Variants in KATNIP observed in about 807,000 individuals in gnomAD.
KATNIP encodes katanin interacting protein.
Under a neutral mutation model 174.0 loss-of-function variants are expected in KATNIP, and 126 were observed. The ratio of observed to expected loss-of-function variants is 0.72; its 90% CI spans 0.63 to 0.84. The LOEUF (loss-of-function observed/expected upper bound fraction) is 0.84, where lower values mean the gene tolerates loss of function less well. KATNIP is among the 40% of genes least tolerant of loss of function. The pLI is 0.00. For missense variants in KATNIP, 1,958 were observed against 2,109.7 expected (o/e 0.93, Z 1.41); for synonymous variants, 810 against 835.7 (o/e 0.97, Z 0.53).
intron 2 of KATNIP, among the ~76,000 whole-genome samples, chr16:27,616,973 G>A (rs1331053436): frequency 7.7e-6 from 1 of 129,888 alleles, no homozygotes; most frequent in Non-Finnish European, 1.6e-5. Context: ...ATGTATCTTT[G>A]TATATTATAA....
chr16:27,688,608 A>C (rs1219473557), intron 8 of KATNIP, among the ~76,000 whole-genome samples: 2 of 152,234 alleles, frequency 1.3e-5, no homozygotes, highest in African/African-American at 4.8e-5. Flanking sequence ...AAAATAAAAT[A>C]AATCAGATTA....
Position 27,776,921 on chromosome 16 carries a change from C to T in KATNIP, c.4450-7C>T. ...TGCCTGTTTTAATTAGTGCCGCTCTCTGACAGGTGAACCGGGTTTATGTGA... is the reference window on the plus strand; with the variant it reads ...TGCCTGTTTTAATTAGTGCCGCTCTTTGACAGGTGAACCGGGTTTATGTGA... On this transcript the variant is annotated splice_polypyrimidine_tract_variant and splice_region_variant and intron_variant, in intron 24 of 27. Transcript: ENST00000261588. The surrounding 1 kb of genome is among the most constrained non-coding windows in gnomAD (Gnocchi z 4.7). The T allele has an allele frequency of 6.3e-7, 1 of 1,599,398 alleles. No homozygotes were observed. The highest frequency in any genetic ancestry group is 8.6e-7 in the Non-Finnish European group (1 of 1,166,754).
intron 24 of KATNIP, 51 bp downstream of exon 24, chr16:27,775,135 G>A (rs764236578): frequency 6.3e-7 from 1 of 1,580,172 alleles, no homozygotes; most frequent in South Asian, 1.1e-5. Context: ...GGCGGGCAGG[G>A]GGACTTTCTT....
chr16:27,713,677 T>TATATACACATACATATATATA (rs2079715184), intron 13 of KATNIP, among the ~76,000 whole-genome samples: 1 of 11,624 alleles, frequency 8.6e-5, no homozygotes, highest in South Asian at 8.9e-3. Context: ...ACATATTATA[T>TATATACACATACATATATATA]ATATGTGTGT....
chr16:27,706,110 G>A (rs1460170503), intron 12 of KATNIP, among the ~76,000 whole-genome samples: 3 of 152,154 alleles, frequency 2.0e-5, no homozygotes, highest in African/African-American at 4.8e-5. Context: ...CCAGCAGCTC[G>A]CACTGTGTCT....
At chr16:27,623,236 T>TGCAG (rs950116173) in intron 3 of KATNIP, among the ~76,000 whole-genome samples, 1 of 152,206 alleles carries the variant, frequency 6.6e-6, no homozygotes, top group Non-Finnish European at 1.5e-5. Context: ...GCACAAGCAC[T>TGCAG]GCAGCCCCAC....
chr16:27,567,010 T>TCACTAA (rs2090117958), intron 1 of KATNIP, among the ~76,000 whole-genome samples: 1 of 152,238 alleles, frequency 6.6e-6, no homozygotes, highest in African/African-American at 2.4e-5. Flanking sequence ...AAGGAACTGT[T>TCACTAA]GGTTCAATTT....
In KATNIP at chr16:27,753,130, G is replaced by A. The variant is rs143787242; in HGVS notation, c.3553-1043G>A. ...GGAGGCACAGGCAGCTGGGGAGTGC[G>A]TGCCCCTCCCCCTCCCCACATCTAA... On this transcript the variant is annotated intron_variant, in intron 17 of 27. Coordinates refer to ENST00000261588, the MANE Select transcript of KATNIP (RefSeq NM_015202.5). Among the ~76,000 whole-genome samples the A allele has an allele frequency of 2.0e-3, 301 of 152,208 alleles. 3 individuals are homozygous for A. The East Asian group carries it at 0.022, about 11-fold the overall frequency.
intron 3 of KATNIP, among the ~76,000 whole-genome samples, chr16:27,620,723 G>A (rs1251479153): frequency 6.6e-6 from 1 of 151,976 alleles, no homozygotes; most frequent in African/African-American, 2.4e-5. Context: ...TATCTGGGTT[G>A]TCTGTAACCC....
intron 2 of KATNIP, among the ~76,000 whole-genome samples, chr16:27,593,997 T>C (rs2075259417): frequency 6.6e-6 from 1 of 151,458 alleles, no homozygotes. Flanking sequence ...CTGCACATTT[T>C]ACAAATAAAA....
At chr16:27,734,326 C>T (rs1362650614) in intron 14 of KATNIP, among the ~76,000 whole-genome samples, 1 of 151,352 alleles carries the variant, frequency 6.6e-6, no homozygotes, top group Non-Finnish European at 1.5e-5. Flanking sequence ...CGTGATCCAC[C>T]TGCCTCAGCC....
chr16:27,621,760 A>G (rs749235653), intron 3 of KATNIP, among the ~76,000 whole-genome samples: 4 of 151,218 alleles, frequency 2.6e-5, no homozygotes, highest in Non-Finnish European at 5.9e-5. Context: ...GGCACATCAC[A>G]TGTTGAGAGC....
At chr16:27,627,490 A>G (rs1269221556) in intron 3 of KATNIP, among the ~76,000 whole-genome samples, 1 of 152,214 alleles carries the variant, frequency 6.6e-6, no homozygotes, top group Non-Finnish European at 1.5e-5. Context: ...AAACACACAT[A>G]CACAAGGTTC....
intron 1 of KATNIP, among the ~76,000 whole-genome samples, chr16:27,561,740 C>T (rs1214705966): frequency 6.6e-6 from 1 of 152,176 alleles, no homozygotes; most frequent in Non-Finnish European, 1.5e-5. Context: ...GAGTCCCAAA[C>T]TATTTAGAAA....
At position 27,637,199 on chromosome 16, in the gene KATNIP, A is replaced by G. The variant is rs981884655; in HGVS notation, c.408+6037A>G. ...TGTTGTTTTAATCACAGAGGGGCAG[A>G]TGGGGAGGGCAGCTCAGCCTGGAGG... On this transcript the variant is annotated intron_variant, in intron 5 of 27. Coordinates refer to ENST00000261588, the MANE Select transcript of KATNIP (RefSeq NM_015202.5). This position sits in a 1 kb window ranked among gnomAD's most constrained non-coding sequence, Gnocchi z 4.7. Among the ~76,000 whole-genome samples the G allele has an allele frequency of 6.6e-6, 1 of 152,200 alleles. No individual in the cohort carries two copies. The highest frequency in any genetic ancestry group is 2.4e-5 in the African/African-American group (1 of 41,460).
At chr16:27,699,834 G>A (rs905930158) in intron 10 of KATNIP, among the ~76,000 whole-genome samples, 13 of 152,190 alleles carry the variant, frequency 8.5e-5, no homozygotes, top group African/African-American at 2.4e-4. Context: ...CCAAGGTCAC[G>A]AGTTGAAGCT....
intron 6 of KATNIP, among the ~76,000 whole-genome samples, chr16:27,665,153 G>T (rs1195385884): frequency 2.7e-5 from 4 of 149,642 alleles, no homozygotes; most frequent in Admixed American, 1.3e-4. Flanking sequence ...TTGAGACAGG[G>T]TCTCACTCTG....
intron 7 of KATNIP, 26 bp downstream of exon 7, chr16:27,678,022 C>A (rs372341938): frequency 1.9e-6 from 3 of 1,605,432 alleles, no homozygotes; most frequent in African/African-American, 1.3e-5. Flanking sequence ...TATATCATTT[C>A]TTTGCCATTG....
intron 5 of KATNIP, among the ~76,000 whole-genome samples, chr16:27,634,859 G>A (rs1225089979): frequency 6.6e-6 from 1 of 152,202 alleles, no homozygotes; most frequent in African/African-American, 2.4e-5. Flanking sequence ...TCAGCAGAGA[G>A]AGAGATTTAA....
Sources: allele counts gnomAD v4.1 joint callset (sites outside exome capture counted in the v4.1 genomes callset), GRCh38; gene constraint gnomAD v4.1.1; non-coding constraint Gnocchi (gnomAD v3.1); transcripts MANE v1.5; gene names NCBI Gene and HGNC (gene_info 2026-07-23, HGNC 2026-07-21).